AFG2A: variants seen among roughly 807,000 people sequenced by gnomAD.
The protein encoded by AFG2A is AAA ATPase AFG2A, also known as ATPase family gene 2 protein homolog A.
chr4:123,104,783 C>T, the AFG2A span, among the ~76,000 whole-genome samples: 7 of 152,198 alleles, frequency 4.6e-5, no homozygotes, highest in Non-Finnish European at 1.0e-4. Context: ...AGCCCTAATG[C>T]TCTTCAATTC....
the AFG2A span, among the ~76,000 whole-genome samples, chr4:123,254,291 C>T: frequency 6.6e-6 from 1 of 151,472 alleles, no homozygotes. Flanking sequence ...GTTTATTTTT[C>T]AGTATGGTGT....
the AFG2A span, among the ~76,000 whole-genome samples, chr4:122,983,914 C>T: frequency 6.6e-6 from 1 of 152,172 alleles, no homozygotes; most frequent in Non-Finnish European, 1.5e-5. Flanking sequence ...CAGGAAGACA[C>T]ATCCATAGGA....
chr4:123,281,873 G>A, the AFG2A span, among the ~76,000 whole-genome samples: 3 of 152,092 alleles, frequency 2.0e-5, no homozygotes, highest in Non-Finnish European at 4.4e-5. Flanking sequence ...CCAAATATAT[G>A]ATATTCTGGA....
the AFG2A span, among the ~76,000 whole-genome samples, chr4:123,265,941 G>T: frequency 1.3e-5 from 2 of 151,778 alleles, 1 homozygote; most frequent in South Asian, 4.2e-4. Context: ...CATTTAATCT[G>T]TGCTTCCTCA....
the AFG2A span, among the ~76,000 whole-genome samples, chr4:123,109,357 C>G: frequency 6.6e-6 from 1 of 152,122 alleles, no homozygotes; most frequent in East Asian, 1.9e-4. Flanking sequence ...CAGCCACATT[C>G]ATTTTTTTTC....
At chr4:123,037,850 A>G in the AFG2A span, among the ~76,000 whole-genome samples, 3 of 152,194 alleles carry the variant, frequency 2.0e-5, no homozygotes, top group East Asian at 5.8e-4. Flanking sequence ...TTCTCTTTTA[A>G]GGACTTAGAA....
chr4:123,239,107 A>T, the AFG2A span, among the ~76,000 whole-genome samples: 3 of 152,340 alleles, frequency 2.0e-5, no homozygotes, highest in African/African-American at 7.2e-5. Flanking sequence ...ATCAAATGAA[A>T]GAAATGAAGC....
the AFG2A span, among the ~76,000 whole-genome samples, chr4:123,222,960 T>A: frequency 7.9e-5 from 12 of 152,334 alleles, no homozygotes; most frequent in African/African-American, 2.2e-4. Flanking sequence ...TTAAGTTGTT[T>A]CCACATCTTG....
the AFG2A span, among the ~76,000 whole-genome samples, chr4:123,262,490 C>T: frequency 6.6e-6 from 1 of 152,170 alleles, no homozygotes; most frequent in Admixed American, 6.5e-5. Flanking sequence ...CTCCTAATGC[C>T]TCTGTGTCAA....
chr4:123,229,173 A>G, the AFG2A span, among the ~76,000 whole-genome samples: 2 of 152,014 alleles, frequency 1.3e-5, no homozygotes, highest in Non-Finnish European at 1.5e-5. Context: ...AGTGTTCTGA[A>G]TAAGTGCCAA....
At chr4:123,132,925 C>T in the AFG2A span, among the ~76,000 whole-genome samples, 1 of 151,864 alleles carries the variant, frequency 6.6e-6, no homozygotes, top group Non-Finnish European at 1.5e-5. Context: ...GGACTACAGG[C>T]GCCCACCACC....
chr4:122,929,198 G>A, the AFG2A span: 3 of 1,565,862 alleles, frequency 1.9e-6, no homozygotes, highest in Non-Finnish European at 2.6e-6. Flanking sequence ...TGGCACTGAG[G>A]TTTGGCTCTT....
At chr4:123,242,385 C>T in the AFG2A span, among the ~76,000 whole-genome samples, 50 of 152,248 alleles carry the variant, frequency 3.3e-4, 1 homozygote, top group African/African-American at 1.1e-3. Flanking sequence ...GTAACCAAAA[C>T]AGTATGGTAC....
the AFG2A span, among the ~76,000 whole-genome samples, chr4:123,109,615 A>G: frequency 6.6e-6 from 1 of 152,146 alleles, no homozygotes; most frequent in Non-Finnish European, 1.5e-5. Flanking sequence ...AGGTGCTCCA[A>G]CCCATTTTCT....
the AFG2A span, among the ~76,000 whole-genome samples, chr4:123,283,444 C>T: frequency 1.3e-5 from 2 of 151,820 alleles, no homozygotes; most frequent in African/African-American, 4.8e-5. Context: ...TGTTTTCTAC[C>T]ATTACCATCT....
the AFG2A span, among the ~76,000 whole-genome samples, chr4:123,251,642 T>C: frequency 6.6e-6 from 1 of 152,100 alleles, no homozygotes; most frequent in Non-Finnish European, 1.5e-5. Context: ...ATATTAATGT[T>C]ATTTGTCTTA....
the AFG2A span, among the ~76,000 whole-genome samples, chr4:123,241,291 C>T: frequency 6.6e-4 from 100 of 152,280 alleles, no homozygotes; most frequent in African/African-American, 2.3e-3. Context: ...ATGAGGCCAG[C>T]ATCATCCTAA....
the AFG2A span, among the ~76,000 whole-genome samples, chr4:123,024,307 A>G: frequency 6.6e-6 from 1 of 151,942 alleles, no homozygotes; most frequent in East Asian, 1.9e-4. Context: ...GACCCCCCAA[A>G]AAAAAATCAC....
the AFG2A span, among the ~76,000 whole-genome samples, chr4:123,001,463 A>G: frequency 6.6e-6 from 1 of 150,502 alleles, no homozygotes; most frequent in Non-Finnish European, 1.5e-5. Context: ...TTCCCTCTAC[A>G]CACTGCTTTG....
Sources: allele counts gnomAD v4.1 joint callset (sites outside exome capture counted in the v4.1 genomes callset), GRCh38; gene constraint gnomAD v4.1.1; transcripts MANE v1.5; gene names NCBI Gene and HGNC (gene_info 2026-07-23, HGNC 2026-07-21).